The following PPP1R9A variants were observed in gnomAD, a reference collection of about 807,000 sequenced individuals.
PPP1R9A encodes the protein neurabin-1.
PPP1R9A carries 59 observed loss-of-function variants against 141.9 expected under a neutral mutation model. That is an observed-to-expected ratio of 0.42 (90% CI 0.34 to 0.52). The LOEUF is 0.52. Among genes scored for constraint, PPP1R9A ranks in the 20% least tolerant of loss-of-function variants. PPP1R9A has a pLI of 0.10. For missense variants in PPP1R9A, 1,444 were observed against 1,611.9 expected, an observed-to-expected ratio of 0.90 and a Z score of 1.78; for synonymous variants, 500 against 569.7, an observed-to-expected ratio of 0.88 and a Z score of 1.74.
At chr7:95,011,746 C>T (rs1804449171) in intron 2 of PPP1R9A, among the ~76,000 whole-genome samples, 1 of 152,062 alleles carries the variant, frequency 6.6e-6, no homozygotes, top group African/African-American at 2.4e-5. Flanking sequence ...TTGAAATCTG[C>T]TCCACATTTC....
At chr7:94,979,943 C>T (rs1259216910) in intron 2 of PPP1R9A, among the ~76,000 whole-genome samples, 1 of 151,670 alleles carries the variant, frequency 6.6e-6, no homozygotes, top group Non-Finnish European at 1.5e-5. Flanking sequence ...TTAGTATTTA[C>T]CTGTAAGGAT....
At chr7:94,914,861 G>C (rs779153390) in intron 2 of PPP1R9A, among the ~76,000 whole-genome samples, 1 of 152,112 alleles carries the variant, frequency 6.6e-6, no homozygotes, top group South Asian at 2.1e-4. Flanking sequence ...GCTGCTGGTC[G>C]GTGGGACGTG....
intron 2 of PPP1R9A, among the ~76,000 whole-genome samples, chr7:95,032,535 A>C (rs1445607207): frequency 6.6e-6 from 1 of 152,170 alleles, no homozygotes; most frequent in Non-Finnish European, 1.5e-5. Context: ...TTTCTAGACC[A>C]ATGCCCCCAC....
intron 8 of PPP1R9A, among the ~76,000 whole-genome samples, chr7:95,232,036 A>C (rs1796031913): frequency 6.6e-6 from 1 of 152,184 alleles, no homozygotes. Flanking sequence ...AGATAAGCTC[A>C]GTTACAAATG....
At chr7:95,076,368 A>G (rs1814856903) in intron 2 of PPP1R9A, among the ~76,000 whole-genome samples, 1 of 152,194 alleles carries the variant, frequency 6.6e-6, no homozygotes, top group Non-Finnish European at 1.5e-5. Flanking sequence ...ATTTTTCTTC[A>G]TAAGGTTAGC....
intron 4 of PPP1R9A, among the ~76,000 whole-genome samples, chr7:95,123,120 A>G (rs563639046): frequency 1.1e-4 from 17 of 152,000 alleles, no homozygotes; most frequent in African/African-American, 3.9e-4. Flanking sequence ...CTAAACATAG[A>G]CATATTTATT....
chr7:95,070,624 C>A (rs12704777), intron 2 of PPP1R9A, among the ~76,000 whole-genome samples: 1 of 134,594 alleles, frequency 7.4e-6, no homozygotes, highest in Non-Finnish European at 1.6e-5. Flanking sequence ...CACACACACA[C>A]ATATATATAA....
intron 2 of PPP1R9A, among the ~76,000 whole-genome samples, chr7:95,105,692 T>G (rs1819415354): frequency 6.6e-6 from 1 of 152,164 alleles, no homozygotes; most frequent in South Asian, 2.1e-4. Flanking sequence ...TAATTATCCA[T>G]TTTTTTGTAG....
At chr7:95,115,880 G>A (rs1257829370) in intron 3 of PPP1R9A, among the ~76,000 whole-genome samples, 3 of 147,088 alleles carry the variant, frequency 2.0e-5, no homozygotes, top group African/African-American at 7.6e-5. Flanking sequence ...CCACACCACT[G>A]CACTCCAGCC....
At position 95,290,379 on chromosome 7, in the gene PPP1R9A, G is replaced by A; in HGVS notation, c.*76G>A. Reference sequence around the variant, plus strand: ...CTTCCTGCCCTGCTCTCCTCCAGAGGATGAAAAAGAAACTAAATGATAAGG... The same window carrying A: ...CTTCCTGCCCTGCTCTCCTCCAGAGAATGAAAAAGAAACTAAATGATAAGG... On this transcript the variant is annotated 3_prime_UTR_variant, in exon 20 of 20. Coordinates refer to ENST00000433360, the MANE Select transcript of PPP1R9A (RefSeq NM_001166160.2). 5 of 1,438,134 alleles carry A rather than the reference G, an allele frequency of 3.5e-6. No individual in the cohort carries two copies. The highest frequency in any genetic ancestry group is 4.7e-6 in the Non-Finnish European group (5 of 1,072,320). 89.1% of individuals were successfully genotyped at this position (1,438,134 alleles called of 1,614,324 possible).
intron 7 of PPP1R9A, among the ~76,000 whole-genome samples, chr7:95,224,706 A>G (rs1439444090): frequency 6.6e-6 from 1 of 152,032 alleles, no homozygotes; most frequent in East Asian, 1.9e-4. Flanking sequence ...GTGCAAACAT[A>G]GGTGGGGGGA....
chr7:95,076,699 G>A (rs1431648143), intron 2 of PPP1R9A, among the ~76,000 whole-genome samples: 1 of 151,886 alleles, frequency 6.6e-6, no homozygotes, highest in Non-Finnish European at 1.5e-5. Flanking sequence ...TCATTATTTT[G>A]TGAGAATCCA....
intron 2 of PPP1R9A, among the ~76,000 whole-genome samples, chr7:94,932,847 T>C (rs1204168514): frequency 6.6e-6 from 1 of 151,004 alleles, no homozygotes; most frequent in Non-Finnish European, 1.5e-5. Context: ...CCCGTGTGAC[T>C]GCTGTCACAT....
chr7:95,105,418 A>G (rs1819372877), intron 2 of PPP1R9A, among the ~76,000 whole-genome samples: 1 of 152,228 alleles, frequency 6.6e-6, no homozygotes, highest in Non-Finnish European at 1.5e-5. Context: ...GCTGTGAAGC[A>G]GTGGATGAGG....
At chr7:95,017,917 T>G (rs1451222590) in intron 2 of PPP1R9A, among the ~76,000 whole-genome samples, 2 of 152,156 alleles carry the variant, frequency 1.3e-5, no homozygotes, top group Non-Finnish European at 2.9e-5. Context: ...TCCAAAGACA[T>G]TTGTATAGTA....
At chr7:94,916,812 G>C (rs1043006775) in intron 2 of PPP1R9A, among the ~76,000 whole-genome samples, 1 of 149,366 alleles carries the variant, frequency 6.7e-6, no homozygotes, top group Non-Finnish European at 1.5e-5. Flanking sequence ...TTTTTTGTTT[G>C]TTTTTTGTTT....
intron 16 of PPP1R9A, among the ~76,000 whole-genome samples, chr7:95,280,671 A>T (rs1004490797): frequency 2.0e-5 from 3 of 152,204 alleles, no homozygotes; most frequent in African/African-American, 7.2e-5. Context: ...CAAGCCAGTA[A>T]ATTATAGCTA....
Position 94,954,723 on chromosome 7 carries a change from A to AT in PPP1R9A, c.1395+43222dup, listed in dbSNP as rs1443552389. ...GTTTTTTTTTTCCTCTTTTTTGGTG[A>AT]TTTTTTTGAGTTTTTCCTTCTCATT... On this transcript the variant is annotated intron_variant, in intron 2 of 19. Coordinates refer to ENST00000433360, the MANE Select transcript of PPP1R9A (RefSeq NM_001166160.2). Among the ~76,000 whole-genome samples, 3 of 145,784 alleles carry AT rather than the reference A, an allele frequency of 2.1e-5. No individual in the cohort carries two copies. The East Asian group carries it at 6.0e-4, about 29-fold the overall frequency.
chr7:94,921,925 A>G lies in PPP1R9A; in HGVS notation c.1395+10417A>G, dbSNP rs549511418. 4.6e-5 allele frequency among the ~76,000 whole-genome samples: 7 copies of G among 152,126 alleles called. No homozygotes were observed. The South Asian group carries it at 6.2e-4, about 14-fold the overall frequency. On this transcript the variant is annotated intron_variant, in intron 2 of 19. Coordinates refer to ENST00000433360, the MANE Select transcript of PPP1R9A (RefSeq NM_001166160.2). ...GGCTGCAGTGAGCTGTGATTGAGCC[A>G]CCACACTCCAGCCTGGGCAACAGAG...
Sources: allele counts gnomAD v4.1 joint callset (sites outside exome capture counted in the v4.1 genomes callset), GRCh38; gene constraint gnomAD v4.1.1; transcripts MANE v1.5; gene names NCBI Gene and HGNC (gene_info 2026-07-23, HGNC 2026-07-21).